The following UBE4B variants were observed in gnomAD, a reference collection of about 807,000 sequenced individuals.
UBE4B encodes the protein ubiquitination factor E4B.
A neutral mutation model predicts 148.1 loss-of-function variants in UBE4B; 27 were observed. The observed-to-expected ratio is 0.18, with a 90% CI of 0.13 to 0.25. The LOEUF is 0.25. Ranked by LOEUF, UBE4B falls within the 10% of genes least tolerant of loss-of-function variation. The probability of loss-of-function intolerance (pLI) is 1.00; values close to 1 mark genes in which losing one functional copy is unlikely to be tolerated. For missense variants in UBE4B, 1,170 were observed against 1,662.4 expected, an observed-to-expected ratio of 0.70 and a Z score of 5.15; for synonymous variants, 596 against 619.3, an observed-to-expected ratio of 0.96 and a Z score of 0.56.
At chr1:10,051,057 A>G (rs1002741889) in intron 1 of UBE4B, among the ~76,000 whole-genome samples, 5 of 152,104 alleles carry the variant, frequency 3.3e-5, no homozygotes, top group Admixed American at 6.6e-5. Context: ...CCCAGGCTGG[A>G]GTGCAGTGGC....
At chr1:10,043,680 A>G (rs1245649876) in intron 1 of UBE4B, among the ~76,000 whole-genome samples, 2 of 152,044 alleles carry the variant, frequency 1.3e-5, no homozygotes, top group African/African-American at 2.4e-5. Flanking sequence ...CACCCGCCTC[A>G]GCCTCCCAAA....
chr1:10,161,566 T>A lies in UBE4B; in HGVS notation c.3198+280T>A, dbSNP rs960308327. ...CTTTTTTGGAGATGAGCTTTTATTG[T>A]CTGAATATATTAATATTCATGAACA... On this transcript the variant is annotated intron_variant, in intron 23 of 27. Transcript: ENST00000343090. This position sits in a 1 kb window ranked among gnomAD's most constrained non-coding sequence, Gnocchi z 4.1. 9.2e-5 allele frequency among the ~76,000 whole-genome samples: 14 copies of A among 152,226 alleles called. No homozygotes were observed. Among genetic ancestry groups the A allele is most frequent in the Non-Finnish European group, 1.9e-4 (13 of 68,042 alleles).
intron 13 of UBE4B, 34 bp downstream of exon 13, chr1:10,130,650 T>G: frequency 6.2e-7 from 1 of 1,612,104 alleles, no homozygotes; most frequent in East Asian, 2.2e-5. Context: ...TTTGCTGCCC[T>G]TTTATTCAGA....
At chr1:10,073,757 G>A (rs1644529103) in intron 2 of UBE4B, among the ~76,000 whole-genome samples, 1 of 151,882 alleles carries the variant, frequency 6.6e-6, no homozygotes, top group Non-Finnish European at 1.5e-5. Flanking sequence ...TCAAATTCAT[G>A]ATCACAAACT....
In UBE4B at chr1:10,143,074, C is replaced by T. The variant is rs536506276; in HGVS notation, c.2364-1866C>T. Reference sequence around the variant, plus strand: ...AATGAGCTGAGATCGTGCCACTGCACTCCAGGGCAACAGAGTGAGAGACCC... The same window carrying T: ...AATGAGCTGAGATCGTGCCACTGCATTCCAGGGCAACAGAGTGAGAGACCC... On this transcript the variant is annotated intron_variant, in intron 17 of 27. Transcript: ENST00000343090. 1.1e-4 allele frequency among the ~76,000 whole-genome samples: 16 copies of T among 152,264 alleles called. No individual in the cohort carries two copies. The South Asian group carries it at 3.3e-3, about 32-fold the overall frequency.
In UBE4B at chr1:10,161,123, AAT is replaced by A; in HGVS notation, c.3054-15_3054-14del. The stretch of plus-strand genomic sequence containing the variant: ...TTCAGGGAGATGTATGACCATGTAC[AAT>A]ATAATTGCCTTTCCAGCTCCGGGAA... On this transcript the variant is annotated splice_polypyrimidine_tract_variant and intron_variant, in intron 22 of 27. Coordinates refer to ENST00000343090, the MANE Select transcript of UBE4B (RefSeq NM_001105562.3). This position sits in a 1 kb window ranked among gnomAD's most constrained non-coding sequence, Gnocchi z 4.1. 1.2e-6 allele frequency: 2 copies of A among 1,613,406 alleles called. No homozygotes were observed. Among genetic ancestry groups the A allele is most frequent in the Non-Finnish European group, 1.7e-6 (2 of 1,179,574 alleles).
rs778649556 is a variant in UBE4B, at chr1:10,106,566, C to T, written c.1179C>T (p.Ser393=). ...GTGCCACGAGCAGACGCCCCTCCTC[C>T]CTGAGGATCTCTCCTAGGTATTTAT... ...SPSATSRRPS[S]LRISPSLGAS... The change falls in exon 7 of 28, where the codon TCC becomes TCT. Residue 393 remains serine, a synonymous_variant. Transcript: ENST00000343090. This position sits in a 1 kb window ranked among gnomAD's most constrained non-coding sequence, Gnocchi z 4.2. 8.9e-6 allele frequency: 14 copies of T among 1,574,462 alleles called. No individual in the cohort carries two copies. The East Asian group carries it at 3.1e-4, about 35-fold the overall frequency.
intron 2 of UBE4B, among the ~76,000 whole-genome samples, chr1:10,082,583 A>G (rs1014965444): frequency 6.6e-6 from 1 of 151,102 alleles, no homozygotes; most frequent in Middle Eastern, 3.4e-3. Context: ...TGGCATAAGT[A>G]CCACTGGGGG....
intron 1 of UBE4B, among the ~76,000 whole-genome samples, chr1:10,065,918 T>C (rs1644377873): frequency 6.6e-6 from 1 of 152,152 alleles, no homozygotes; most frequent in Non-Finnish European, 1.5e-5. Flanking sequence ...GCAACCGGCT[T>C]TTTCAATTCA....
intron 16 of UBE4B, 145 bp downstream of exon 16, chr1:10,135,331 C>A: frequency 3.4e-6 from 3 of 883,072 alleles, no homozygotes; most frequent in Non-Finnish European, 5.2e-6. Flanking sequence ...GTAGGCCTGG[C>A]GTGGTGACTC....
At chr1:10,039,348 G>A (rs895100286) in intron 1 of UBE4B, among the ~76,000 whole-genome samples, 1 of 152,120 alleles carries the variant, frequency 6.6e-6, no homozygotes, top group Admixed American at 6.6e-5. Flanking sequence ...TAGTGTGACT[G>A]GAGAGGTGGG....
At chr1:10,169,743 G>A (rs531939963) in intron 24 of UBE4B, among the ~76,000 whole-genome samples, 5 of 152,348 alleles carry the variant, frequency 3.3e-5, no homozygotes, top group African/African-American at 9.6e-5. Flanking sequence ...GGCCAAGCAC[G>A]GTGGCTCATG....
In UBE4B at chr1:10,146,974, G is replaced by A. The variant is rs1645883566; in HGVS notation, c.2475G>A (p.Arg825=). The A allele has an allele frequency of 1.9e-6, 3 of 1,613,988 alleles. No individual in the cohort carries two copies. The highest frequency in any genetic ancestry group is 2.5e-6 in the Non-Finnish European group (3 of 1,180,000). ...RCKTQLKKLV[R]CKACADAGLL... The stretch of plus-strand genomic sequence containing the variant: ...CCCTGCTTCCACAGAAACTGGTACG[G>A]TGCAAGGCCTGTGCTGATGCTGGCC... The change falls in exon 19 of 28, where the codon CGG becomes CGA. Residue 825 remains arginine, a synonymous_variant. Coordinates refer to ENST00000343090, the MANE Select transcript of UBE4B (RefSeq NM_001105562.3).
At chr1:10,112,422 C>T (rs1256750478) in intron 7 of UBE4B, among the ~76,000 whole-genome samples, 2 of 152,106 alleles carry the variant, frequency 1.3e-5, no homozygotes, top group East Asian at 1.9e-4. Context: ...TTGTTTTAGA[C>T]GGAGTCTCGC....
chr1:10,148,506 C>T (rs1223046608), intron 19 of UBE4B, among the ~76,000 whole-genome samples: 1 of 150,880 alleles, frequency 6.6e-6, no homozygotes, highest in Non-Finnish European at 1.5e-5. Flanking sequence ...GTGGTGGGCG[C>T]CTGTAATCCC....
At position 10,180,266 on chromosome 1, in the gene UBE4B, C is replaced by G; in HGVS notation, c.*310C>G. 2.5e-6 allele frequency: 1 copy of G among 406,242 alleles called. No individual in the cohort carries two copies. Among genetic ancestry groups the G allele is most frequent in the South Asian group, 3.4e-5 (1 of 29,066 alleles). 25.2% of individuals were successfully genotyped at this position (406,242 alleles called of 1,614,324 possible). On this transcript the variant is annotated 3_prime_UTR_variant, in exon 28 of 28. Coordinates refer to ENST00000343090, the MANE Select transcript of UBE4B (RefSeq NM_001105562.3). ...GGCAACGGAAGTCTTTTAGTGATGG[C>G]TAATGGGTCTGGGCAGCATCCCTTC... is the stretch of plus-strand genomic sequence containing the variant.
chr1:10,043,487 C>T (rs534110362), intron 1 of UBE4B, among the ~76,000 whole-genome samples: 151 of 133,296 alleles, frequency 1.1e-3, no homozygotes, highest in African/African-American at 3.5e-3. Flanking sequence ...AGTGCAGTGG[C>T]GCGATCTCGG....
chr1:10,123,054 A>G (rs115486679), intron 10 of UBE4B, among the ~76,000 whole-genome samples: 2,212 of 152,322 alleles, frequency 0.015, 16 homozygotes, highest in South Asian at 0.037. Flanking sequence ...ATCTTAGGTG[A>G]TGATCTTACT....
intron 23 of UBE4B, among the ~76,000 whole-genome samples, chr1:10,164,668 G>T (rs1486311523): frequency 2.0e-5 from 3 of 152,136 alleles, no homozygotes; most frequent in African/African-American, 7.2e-5. Context: ...TCCCACAATT[G>T]CTATTTCAGA....
Sources: allele counts gnomAD v4.1 joint callset (sites outside exome capture counted in the v4.1 genomes callset), GRCh38; gene constraint gnomAD v4.1.1; non-coding constraint Gnocchi (gnomAD v3.1); transcripts MANE v1.5; gene names NCBI Gene and HGNC (gene_info 2026-07-23, HGNC 2026-07-21).